ROR2: variants seen among roughly 807,000 people sequenced by gnomAD.
The protein encoded by ROR2 is tyrosine-protein kinase transmembrane receptor ROR2.
Under a neutral mutation model 74.9 loss-of-function variants are expected in ROR2, and 33 were observed. The ratio of observed to expected loss-of-function variants is 0.44; its 90% CI spans 0.33 to 0.59. ROR2 has a LOEUF of 0.59. Ranked by LOEUF, ROR2 falls within the 20% of genes least tolerant of loss-of-function variation. The probability of loss-of-function intolerance (pLI) is 0.02; values close to 1 mark genes in which losing one functional copy is unlikely to be tolerated. For synonymous variants in ROR2, 586 were observed against 558.7 expected (o/e 1.05, Z -0.69); for missense variants, 1,216 against 1,313.8 (o/e 0.93, Z 1.15).
intron 1 of ROR2, among the ~76,000 whole-genome samples, chr9:91,795,575 C>A (rs1827141503): frequency 6.6e-6 from 1 of 152,200 alleles, no homozygotes; most frequent in African/African-American, 2.4e-5. Flanking sequence ...ACTTCCCACG[C>A]CCCTATAAAA....
intron 7 of ROR2, among the ~76,000 whole-genome samples, chr9:91,728,278 G>T (rs1003067506): frequency 6.6e-6 from 1 of 152,068 alleles, no homozygotes; most frequent in East Asian, 1.9e-4. Flanking sequence ...GTTAAGTTTC[G>T]TGTTCTCCTA....
intron 1 of ROR2, among the ~76,000 whole-genome samples, chr9:91,835,744 G>A (rs1201994762): frequency 1.3e-5 from 2 of 152,186 alleles, no homozygotes; most frequent in Non-Finnish European, 2.9e-5. Flanking sequence ...TGCAGGAGGC[G>A]GAAGGGTGCA....
intron 4 of ROR2, among the ~76,000 whole-genome samples, chr9:91,746,014 A>G (rs1037103307): frequency 6.6e-6 from 1 of 152,144 alleles, no homozygotes; most frequent in African/African-American, 2.4e-5. Flanking sequence ...TCAAATGCCA[A>G]ATGTCAGCCT....
At chr9:91,937,055 C>CAAAAAAAAAAAAAAAAAAAAAAAAA (rs1564051353) in intron 1 of ROR2, among the ~76,000 whole-genome samples, 3 of 130,024 alleles carry the variant, frequency 2.3e-5, no homozygotes, top group African/African-American at 9.1e-5. Flanking sequence ...AAAGATTTCC[C>CAAAAAAAAAAAAAAAAAAAAAAAAA]ATCTTCTACT....
intron 1 of ROR2, among the ~76,000 whole-genome samples, chr9:91,921,804 T>C (rs997309570): frequency 4.1e-5 from 6 of 145,766 alleles, no homozygotes; most frequent in African/African-American, 1.3e-4. Context: ...CAGGTTGCAG[T>C]GAGCCAAGAT....
intron 1 of ROR2, among the ~76,000 whole-genome samples, chr9:91,847,746 T>C (rs888599772): frequency 6.6e-6 from 1 of 152,044 alleles, no homozygotes; most frequent in African/African-American, 2.4e-5. Context: ...GGCCAGGAGA[T>C]GCTGGTCGCA....
intron 1 of ROR2, among the ~76,000 whole-genome samples, chr9:91,944,535 A>G (rs1410769126): frequency 6.6e-6 from 1 of 152,240 alleles, no homozygotes; most frequent in East Asian, 1.9e-4. Flanking sequence ...TAGAAAATCA[A>G]CACACAAAAA....
intron 1 of ROR2, among the ~76,000 whole-genome samples, chr9:91,820,983 C>T (rs1187934392): frequency 1.3e-5 from 2 of 152,132 alleles, no homozygotes; most frequent in Non-Finnish European, 2.9e-5. Flanking sequence ...TGCCTGCAGT[C>T]CCAGCTACTC....
At chr9:91,918,697 G>A (rs1177309941) in intron 1 of ROR2, among the ~76,000 whole-genome samples, 2 of 152,110 alleles carry the variant, frequency 1.3e-5, no homozygotes, top group East Asian at 1.9e-4. Flanking sequence ...TGTACGCTCC[G>A]AAAAGCTGAA....
chr9:91,745,285 C>A (rs118143261), intron 4 of ROR2, among the ~76,000 whole-genome samples: 2 of 151,596 alleles, frequency 1.3e-5, no homozygotes, highest in Non-Finnish European at 2.9e-5. Flanking sequence ...GCCACCATAC[C>A]GGACTAATTT....
chr9:91,755,613 G>A (rs760262496), intron 4 of ROR2, among the ~76,000 whole-genome samples: 16 of 152,206 alleles, frequency 1.1e-4, no homozygotes, highest in African/African-American at 2.7e-4. Context: ...TGTGAGCCTC[G>A]GTCTCCTCAT....
At chr9:91,947,586 G>A (rs916696039) in intron 1 of ROR2, among the ~76,000 whole-genome samples, 1 of 152,014 alleles carries the variant, frequency 6.6e-6, no homozygotes, top group African/African-American at 2.4e-5. Flanking sequence ...CAGGGATCTG[G>A]GCCAAAAGTA....
chr9:91,818,417 T>G (rs947607770), intron 1 of ROR2, among the ~76,000 whole-genome samples: 2 of 151,284 alleles, frequency 1.3e-5, no homozygotes, highest in Admixed American at 1.3e-4. Flanking sequence ...GCTATCTCCC[T>G]GTACTCCACC....
chr9:91,793,905 G>T (rs1475398266), intron 1 of ROR2, among the ~76,000 whole-genome samples: 1 of 152,206 alleles, frequency 6.6e-6, no homozygotes, highest in East Asian at 1.9e-4. Context: ...CAATGGAAGG[G>T]CTGGGAGTCG....
At chr9:91,828,174 C>T (rs1323990458) in intron 1 of ROR2, among the ~76,000 whole-genome samples, 1 of 152,208 alleles carries the variant, frequency 6.6e-6, no homozygotes, top group Non-Finnish European at 1.5e-5. Flanking sequence ...TTGAAAATTT[C>T]ATTATTCTTA....
chr9:91,928,274 T>C (rs1281059189), intron 1 of ROR2, among the ~76,000 whole-genome samples: 1 of 152,154 alleles, frequency 6.6e-6, no homozygotes, highest in Non-Finnish European at 1.5e-5. Context: ...CTGCCTTGTA[T>C]TTCCCAATCC....
chr9:91,879,258 G>A (rs1029271559), intron 1 of ROR2, among the ~76,000 whole-genome samples: 4 of 152,162 alleles, frequency 2.6e-5, no homozygotes, highest in African/African-American at 7.2e-5. Flanking sequence ...GGCCCAGGAA[G>A]ACCTCCACCT....
intron 1 of ROR2, chr9:91,948,902 T>G (rs1832087630): frequency 4.1e-6 from 4 of 984,794 alleles, no homozygotes; most frequent in Non-Finnish European, 4.8e-6. Context: ...CGGGAGGTGC[T>G]CCCGGAGTCT....
intron 1 of ROR2, among the ~76,000 whole-genome samples, chr9:91,890,307 T>G (rs1830393295): frequency 6.6e-6 from 1 of 152,122 alleles, no homozygotes; most frequent in South Asian, 2.1e-4. Flanking sequence ...ACGCTAACTG[T>G]GGAATGAACG....
Sources: allele counts gnomAD v4.1 joint callset (sites outside exome capture counted in the v4.1 genomes callset), GRCh38; gene constraint gnomAD v4.1.1; transcripts MANE v1.5; gene names NCBI Gene and HGNC (gene_info 2026-07-23, HGNC 2026-07-21).